The following ATP13A4 variants were observed in gnomAD, a reference collection of about 807,000 sequenced individuals.
ATP13A4 encodes ATPase 13A4.
In ATP13A4, 114 loss-of-function variants were observed where a neutral mutation model predicts 142.5. That is an observed-to-expected ratio of 0.80 (90% CI 0.69 to 0.93). The LOEUF is 0.93. ATP13A4 is among the 40% of genes least tolerant of loss of function. The probability of loss-of-function intolerance (pLI) is 0.00; values close to 1 mark genes in which losing one functional copy is unlikely to be tolerated. For synonymous variants in ATP13A4, 488 were observed against 514.8 expected (o/e 0.95, Z 0.70); for missense variants, 1,392 against 1,454.0 (o/e 0.96, Z 0.69).
At chr3:193,436,231 CT>C (rs1430395145) in intron 23 of ATP13A4, among the ~76,000 whole-genome samples, 2 of 152,282 alleles carry the variant, frequency 1.3e-5, no homozygotes, top group East Asian at 3.9e-4. Context: ...GCAGTCCCAA[CT>C]TTTTCTAAAA....
chr3:193,576,086 C>CCTAAAAT (rs1429707295), intron 2 of ATP13A4, among the ~76,000 whole-genome samples: 1 of 151,908 alleles, frequency 6.6e-6, no homozygotes, highest in Non-Finnish European at 1.5e-5. Context: ...AATTTTCCAG[C>CCTAAAAT]CTAAAATGTC....
chr3:193,486,892 T>C (rs1310445289), intron 7 of ATP13A4, among the ~76,000 whole-genome samples: 3 of 152,216 alleles, frequency 2.0e-5, no homozygotes, highest in Non-Finnish European at 4.4e-5. Flanking sequence ...GTAATTATGC[T>C]ACCACTTACA....
intron 1 of ATP13A4, among the ~76,000 whole-genome samples, chr3:193,543,570 AG>A (rs1223627390): frequency 1.2e-4 from 19 of 152,242 alleles, no homozygotes; most frequent in African/African-American, 4.6e-4. Flanking sequence ...CCAACTGGTT[AG>A]GACAATCATT....
intron 17 of ATP13A4, among the ~76,000 whole-genome samples, chr3:193,450,984 T>C (rs1717241707): frequency 6.6e-6 from 1 of 152,158 alleles, no homozygotes; most frequent in Non-Finnish European, 1.5e-5. Flanking sequence ...GGAAGGCAGA[T>C]ATGTTGTCCA....
chr3:193,423,488 C>T, intron 25 of ATP13A4, among the ~76,000 whole-genome samples: 1 of 149,596 alleles, frequency 6.7e-6, no homozygotes, highest in Non-Finnish European at 1.5e-5. Context: ...AGGTAATTCA[C>T]CATGATCAAG....
chr3:193,419,799 C>A (rs528812821), intron 25 of ATP13A4, among the ~76,000 whole-genome samples: 1 of 150,292 alleles, frequency 6.7e-6, no homozygotes, highest in East Asian at 2.1e-4. Flanking sequence ...TGAGATACCT[C>A]CTTCCCAGGT....
upstream of ATP13A4, among the ~76,000 whole-genome samples, chr3:193,557,467 T>A (rs1465481662): frequency 2.6e-5 from 4 of 152,158 alleles, no homozygotes; most frequent in Non-Finnish European, 5.9e-5. Context: ...ACAGAACACT[T>A]CCACATATGA....
chr3:193,409,566 A>C (rs1714664475), intron 28 of ATP13A4, among the ~76,000 whole-genome samples: 1 of 152,236 alleles, frequency 6.6e-6, no homozygotes, highest in African/African-American at 2.4e-5. Context: ...CTGTAGGATT[A>C]AGAAGTTTTA....
intron 24 of ATP13A4, among the ~76,000 whole-genome samples, chr3:193,435,223 C>T (rs879476063): frequency 1.3e-5 from 2 of 151,042 alleles, no homozygotes; most frequent in Admixed American, 6.7e-5. Flanking sequence ...GGAGTATTTA[C>T]GCCACTGAAA....
chr3:193,420,218 A>G (rs1715338826), intron 25 of ATP13A4, among the ~76,000 whole-genome samples: 1 of 149,404 alleles, frequency 6.7e-6, no homozygotes, highest in Non-Finnish European at 1.5e-5. Flanking sequence ...TCCCTCAGTC[A>G]AGTCTCCCCA....
At chr3:193,517,406 T>A (rs781706866) in intron 1 of ATP13A4, among the ~76,000 whole-genome samples, 3 of 152,212 alleles carry the variant, frequency 2.0e-5, no homozygotes, top group Non-Finnish European at 2.9e-5. Context: ...ATAATAACAC[T>A]GGGACAACAG....
chr3:193,427,433 T>C (rs992960296), intron 25 of ATP13A4, among the ~76,000 whole-genome samples: 5 of 152,036 alleles, frequency 3.3e-5, no homozygotes, highest in Admixed American at 6.6e-5. Flanking sequence ...ACTTTCTTCA[T>C]AGAATTGGAA....
chr3:193,587,349 C>T (rs1007843290), intron 1 of ATP13A4, among the ~76,000 whole-genome samples: 8 of 152,246 alleles, frequency 5.3e-5, no homozygotes, highest in African/African-American at 4.8e-5. Flanking sequence ...CCTTGGCTTA[C>T]GCCTACATCA....
At chr3:193,486,435 G>A (rs1577013603) in intron 7 of ATP13A4, among the ~76,000 whole-genome samples, 1 of 152,294 alleles carries the variant, frequency 6.6e-6, no homozygotes, top group Middle Eastern at 3.4e-3. Flanking sequence ...AACAGTGAAG[G>A]ATGCCAGGGG....
upstream of ATP13A4, among the ~76,000 whole-genome samples, chr3:193,559,847 C>T (rs1723978547): frequency 6.6e-6 from 1 of 152,204 alleles, no homozygotes; most frequent in South Asian, 2.1e-4. Context: ...GGCAGCTCCC[C>T]TTCTGTGAAG....
intron 8 of ATP13A4, among the ~76,000 whole-genome samples, chr3:193,480,238 CAAAT>C (rs533167813): frequency 6.6e-6 from 1 of 151,866 alleles, no homozygotes; most frequent in Non-Finnish European, 1.5e-5. Flanking sequence ...AAAGCAAATG[CAAAT>C]AAATAAATAA....
rs768874844 is a variant in ATP13A4 at position 193,399,301 on chromosome 3, C to T, written c.*3351G>A. 2.6e-5 allele frequency among the ~76,000 whole-genome samples: 4 copies of T among 152,202 alleles called. No individual in the cohort carries two copies. Among genetic ancestry groups the T allele is most frequent in the Non-Finnish European group, 5.9e-5 (4 of 68,034 alleles). On this transcript the variant is annotated 3_prime_UTR_variant, in exon 30 of 30. Transcript: ENST00000342695. ...CAAGTTTAGGGCACTCTCCCACGCT[C>T]TTTCATGCAAAGTTTTTTAACACCT...
At position 193,422,426 on chromosome 3, in the gene ATP13A4, A is replaced by G. The variant is rs564365597; in HGVS notation, c.2843-7676T>C. ...TCTATTCAATAACAGAAGAATACAC[A>G]TTATTTTCTAATGCGCATGGAACAT... On this transcript the variant is annotated intron_variant, in intron 25 of 29. Transcript: ENST00000342695. Among the ~76,000 whole-genome samples the G allele has an allele frequency of 2.6e-5, 3 of 116,828 alleles. No individual in the cohort carries two copies. In the South Asian group the frequency reaches 7.9e-4, roughly 31 times the overall value. The allele number at this position is 116,828 out of a possible 152,430, so 76.6% of individuals were successfully genotyped here. A position where few individuals can be genotyped will look rare whatever the true frequency, so the allele number is the denominator to read the frequency against.
At chr3:193,423,135 A>G (rs1303067477) in intron 25 of ATP13A4, among the ~76,000 whole-genome samples, 1 of 149,924 alleles carries the variant, frequency 6.7e-6, no homozygotes, top group Non-Finnish European at 1.5e-5. Flanking sequence ...AAATTCCTGG[A>G]CACATACAAC....
Sources: allele counts gnomAD v4.1 joint callset (sites outside exome capture counted in the v4.1 genomes callset), GRCh38; gene constraint gnomAD v4.1.1; transcripts MANE v1.5; gene names NCBI Gene and HGNC (gene_info 2026-07-23, HGNC 2026-07-21).